THBS2: variants seen among roughly 807,000 people sequenced by gnomAD.
THBS2 encodes thrombospondin-2.
A neutral mutation model predicts 135.2 loss-of-function variants in THBS2; 47 were observed. That is an observed-to-expected ratio of 0.35 (90% CI 0.28 to 0.44). The LOEUF is 0.44. Among genes scored for constraint, THBS2 ranks in the 20% least tolerant of loss-of-function variants. The probability of loss-of-function intolerance (pLI) is 1.00; values close to 1 mark genes in which losing one functional copy is unlikely to be tolerated. For synonymous variants in THBS2, 639 were observed against 633.8 expected, an observed-to-expected ratio of 1.01 and a Z score of -0.12; for missense variants, 1,288 against 1,603.1, an observed-to-expected ratio of 0.80 and a Z score of 3.36.
intron 4 of THBS2, among the ~76,000 whole-genome samples, chr6:169,245,618 C>T (rs12660512): frequency 0.022 from 3,313 of 152,000 alleles, 209 homozygotes; most frequent in East Asian, 0.21. Context: ...CGCTGAAACC[C>T]CATCTCTACT....
chr6:169,239,567 G>T (rs764970484), intron 7 of THBS2, 32 bp downstream of exon 7: 2 of 1,543,442 alleles, frequency 1.3e-6, no homozygotes, highest in East Asian at 2.3e-5. Context: ...TCCTAAAAAT[G>T]CAGGATGCGC....
At position 169,241,873 on chromosome 6, in the gene THBS2, C is replaced by T; in HGVS notation, c.780G>A (p.Glu260=). The change falls in exon 5 of 22, where the codon GAG becomes GAA. Residue 260 remains glutamate (E), a synonymous_variant. Transcript: ENST00000617924. The surrounding 1 kb of genome is among the most constrained non-coding windows in gnomAD (Gnocchi z 5.5). ...VTTEYVGPSS[E]RRPEVCERSC... ...AGCGTTCGCACACCTCGGGCCTCCT[C>T]TCCGAGCTGGGGCCCACGTACTCGG... is the stretch of plus-strand genomic sequence containing the variant. The T allele has an allele frequency of 6.2e-7, 1 of 1,612,532 alleles. No individual in the cohort carries two copies. The highest frequency in any genetic ancestry group is 8.5e-7 in the Non-Finnish European group (1 of 1,179,978).
In THBS2 at chr6:169,222,207, G is replaced by A. The variant is rs745868184; in HGVS notation, c.3263C>T (p.Thr1088Met). 1.9e-5 allele frequency: 30 copies of A among 1,606,610 alleles called. No individual in the cohort carries two copies. The highest frequency in any genetic ancestry group is 2.5e-5 in the Non-Finnish European group (29 of 1,176,898). Residue 1088 changes from threonine (T) to methionine (M), a missense_variant, in exon 19 of 22, where the codon ACG becomes ATG. Physicochemically the swap from Thr to Met is moderately conservative, Grantham distance 81. Around this residue, in one of 2 missense-constraint regions of THBS2, gnomAD observed 874 missense variants for 1,156.1 expected, o/e 0.76. Coordinates refer to ENST00000617924, the MANE Select transcript of THBS2 (RefSeq NM_003247.5). Reference sequence around the variant, plus strand: ...GCCAGCCAACCTCACCTGCCCCGGCGTGTTCCCCGTGTGCCACAGCGCGTT... The same window carrying A: ...GCCAGCCAACCTCACCTGCCCCGGCATGTTCCCCGTGTGCCACAGCGCGTT... ...LRNALWHTGN[T>M]PGQVRTLWHD... is the part of the protein sequence containing the mutation.
At chr6:169,224,175 A>G (rs1304815540) in intron 17 of THBS2, among the ~76,000 whole-genome samples, 2 of 152,226 alleles carry the variant, frequency 1.3e-5, no homozygotes, top group African/African-American at 4.8e-5. Context: ...ATATCTCATC[A>G]TATTCTTCAA....
Position 169,232,729 on chromosome 6 carries a change from G to A in THBS2, c.1867C>T (p.Pro623Ser). The part of the protein sequence containing the change: ...TQPGFHCLPC[P>S]PRYRGNQPVG... Reference sequence around the variant, plus strand: ...GGCTGGTTCCCTCTGTATCGGGGCGGGCAGGGCAGGCAGTGGAAGCCAGGC... The same window carrying A: ...GGCTGGTTCCCTCTGTATCGGGGCGAGCAGGGCAGGCAGTGGAAGCCAGGC... Residue 623 changes from proline to serine, a missense_variant, in exon 12 of 22, where the codon CCG becomes TCG. Transcript: ENST00000617924. 1 of 1,614,008 alleles carries A rather than the reference G, an allele frequency of 6.2e-7. No individual in the cohort carries two copies. Among genetic ancestry groups the A allele is most frequent in the South Asian group, 1.1e-5 (1 of 91,086 alleles).
At chr6:169,229,494 G>T in intron 14 of THBS2, 78 bp downstream of exon 14, 1 of 1,120,580 alleles carries the variant, frequency 8.9e-7, no homozygotes, top group Non-Finnish European at 1.4e-6. Flanking sequence ...GACAAGGGCT[G>T]TTTGGTATAA....
chr6:169,218,723 A>C (rs1460212991), intron 21 of THBS2, among the ~76,000 whole-genome samples: 1 of 128,474 alleles, frequency 7.8e-6, no homozygotes, highest in Non-Finnish European at 1.6e-5. Context: ...AGGTGGATGG[A>C]TGGATGAGAT....
chr6:169,229,125 A>T (rs575669170), intron 14 of THBS2, among the ~76,000 whole-genome samples: 1 of 152,382 alleles, frequency 6.6e-6, no homozygotes, highest in African/African-American at 2.4e-5. Flanking sequence ...GTAAAAAAGC[A>T]GTGAGTAAAA....
chr6:169,232,597 C>G, intron 12 of THBS2, 67 bp downstream of exon 12: 1 of 1,534,050 alleles, frequency 6.5e-7, no homozygotes, highest in Admixed American at 2.0e-5. Context: ...CCTCCTGCTG[C>G]TTTTCTGAGC....
intron 3 of THBS2, among the ~76,000 whole-genome samples, chr6:169,248,190 G>T (rs1284395074): frequency 1.3e-5 from 2 of 151,380 alleles, no homozygotes; most frequent in East Asian, 3.9e-4. Flanking sequence ...TGTGTGTGTG[G>T]TGTGTGTGCA....
chr6:169,220,126 G>A, intron 21 of THBS2, 72 bp downstream of exon 21: 1 of 1,548,332 alleles, frequency 6.5e-7, no homozygotes. Flanking sequence ...AAGTGGAAGA[G>A]CGCACTGTGT....
In THBS2 at chr6:169,237,606, T is replaced by A. The variant is rs12661185; in HGVS notation, c.1300+19A>T. On this transcript the variant is annotated intron_variant, in intron 8 of 21. Coordinates refer to ENST00000617924, the MANE Select transcript of THBS2 (RefSeq NM_003247.5). Reference sequence around the variant, plus strand: ...CCCCACCCCCACAGGCACGCGGGTGTCACCTGCCCGACACTCACTGCGGGT... The same window carrying A: ...CCCCACCCCCACAGGCACGCGGGTGACACCTGCCCGACACTCACTGCGGGT... 0.19 allele frequency: 298,598 copies of A among 1,610,654 alleles called. 28,362 individuals are homozygous for A. Among genetic ancestry groups the A allele is most frequent in the South Asian group, 0.23 (21,170 of 91,054 alleles).
At chr6:169,228,508 A>T (rs1224342928) in intron 14 of THBS2, among the ~76,000 whole-genome samples, 1 of 152,062 alleles carries the variant, frequency 6.6e-6, no homozygotes, top group Non-Finnish European at 1.5e-5. Flanking sequence ...AGGGCAGGGC[A>T]CGGAGGCTCA....
chr6:169,244,303 G>A (rs1206423041), intron 4 of THBS2, among the ~76,000 whole-genome samples: 2 of 131,880 alleles, frequency 1.5e-5, no homozygotes, highest in Non-Finnish European at 3.1e-5. Context: ...CTACTAGGGT[G>A]TATGCTGGTA....
Position 169,226,116 on chromosome 6 carries a change from C to T in THBS2, c.2538+64G>A, listed in dbSNP as rs567326514. On this transcript the variant is annotated intron_variant, in intron 16 of 21. Coordinates refer to ENST00000617924, the MANE Select transcript of THBS2 (RefSeq NM_003247.5). ...CAGTTGTCACAGTGATCCCCCACAC[C>T]GCCACCGTCCCCGCGTCCCTCTGAT... is the stretch of plus-strand genomic sequence containing the variant. 8.7e-5 allele frequency: 130 copies of T among 1,497,662 alleles called. No individual in the cohort carries two copies. In the East Asian group the frequency reaches 1.7e-3, roughly 19 times the overall value. 92.8% of individuals were successfully genotyped at this position (1,497,662 alleles called of 1,614,324 possible). A position where few individuals can be genotyped will look rare whatever the true frequency, so the allele number is the denominator to read the frequency against.
intron 4 of THBS2, among the ~76,000 whole-genome samples, chr6:169,245,863 C>T (rs1215695661): frequency 2.0e-5 from 3 of 151,356 alleles, no homozygotes; most frequent in Non-Finnish European, 4.4e-5. Flanking sequence ...CTTAGGCAGA[C>T]AAGCATCACA....
At chr6:169,242,292 A>G (rs1277676980) in intron 4 of THBS2, among the ~76,000 whole-genome samples, 1 of 152,052 alleles carries the variant, frequency 6.6e-6, no homozygotes, top group Non-Finnish European at 1.5e-5. Flanking sequence ...TGCACAGTCC[A>G]AACGCAGGAG....
intron 10 of THBS2, among the ~76,000 whole-genome samples, chr6:169,233,236 AT>A (rs1303966587): frequency 2.0e-5 from 3 of 152,146 alleles, no homozygotes; most frequent in Admixed American, 2.0e-4. Context: ...GCACGTGTAC[AT>A]TATGACTACA....
chr6:169,236,320 C>G (rs1406849320), intron 9 of THBS2, among the ~76,000 whole-genome samples: 1 of 120,914 alleles, frequency 8.3e-6, no homozygotes, highest in Non-Finnish European at 1.8e-5. Flanking sequence ...CCCATCCACA[C>G]TCACTCCCCC....
Sources: allele counts gnomAD v4.1 joint callset (sites outside exome capture counted in the v4.1 genomes callset), GRCh38; gene constraint gnomAD v4.1.1; regional missense constraint gnomAD v4.1.1; non-coding constraint Gnocchi (gnomAD v3.1); transcripts MANE v1.5; gene names NCBI Gene and HGNC (gene_info 2026-07-23, HGNC 2026-07-21).